The following PLCB1 variants were observed in gnomAD, a reference collection of about 807,000 sequenced individuals.
PLCB1 encodes the protein phospholipase C beta 1.
PLCB1 carries 46 observed loss-of-function variants against 161.8 expected under a neutral mutation model. The ratio of observed to expected loss-of-function variants is 0.28; its 90% confidence interval spans 0.22 to 0.36. The LOEUF is 0.36. PLCB1 is among the 10% of genes least tolerant of loss of function. The probability of loss-of-function intolerance (pLI) is 1.00; values close to 1 mark genes in which losing one functional copy is unlikely to be tolerated. For missense variants in PLCB1, 1,016 were observed against 1,472.5 expected (o/e 0.69, Z 5.07); for synonymous variants, 517 against 503.7 (o/e 1.03, Z -0.35).
chr20:8,562,218 G>A (rs779516458), intron 3 of PLCB1, among the ~76,000 whole-genome samples: 1 of 151,994 alleles, frequency 6.6e-6, no homozygotes, highest in Non-Finnish European at 1.5e-5. Context: ...AACCTTGGCT[G>A]TACATTGAAA....
chr20:8,678,481 T>A (rs1990141064), intron 9 of PLCB1, among the ~76,000 whole-genome samples: 1 of 152,228 alleles, frequency 6.6e-6, no homozygotes, highest in South Asian at 2.1e-4. Context: ...TAAGGAGACA[T>A]GAGGAAGCGT....
At chr20:8,417,058 T>C (rs1169310011) in intron 3 of PLCB1, among the ~76,000 whole-genome samples, 99 of 94,856 alleles carry the variant, frequency 1.0e-3, no homozygotes, top group South Asian at 2.5e-3. Flanking sequence ...CACACACATA[T>C]ATATATATAT....
rs542772912 is a variant in PLCB1 at position 8,847,032 on chromosome 20, C to T, written c.3424-34590C>T. 7.2e-5 allele frequency among the ~76,000 whole-genome samples: 11 copies of T among 152,314 alleles called. No homozygotes were observed. In the East Asian group the frequency reaches 2.1e-3, roughly 29 times the overall value. On this transcript the variant is annotated intron_variant, in intron 31 of 31. Transcript: ENST00000338037. The stretch of plus-strand genomic sequence containing the variant: ...CTTTGAGAAATACTGATGTTTTGGT[C>T]TCAGCCCCAAAGATCTTGATATGGT...
intron 24 of PLCB1, among the ~76,000 whole-genome samples, chr20:8,757,918 G>A (rs1022161659): frequency 1.3e-4 from 19 of 151,640 alleles, no homozygotes; most frequent in African/African-American, 4.1e-4. Context: ...TGATTTCTAC[G>A]CAGCTAACTT....
chr20:8,531,757 A>T (rs1568495861), intron 3 of PLCB1, among the ~76,000 whole-genome samples: 3 of 151,094 alleles, frequency 2.0e-5, no homozygotes, highest in East Asian at 3.9e-4. Flanking sequence ...TCCAGATTAA[A>T]ATATATATAT....
chr20:8,801,576 T>C (rs578212797), intron 31 of PLCB1, among the ~76,000 whole-genome samples: 50 of 152,288 alleles, frequency 3.3e-4, no homozygotes, highest in Middle Eastern at 6.8e-3. Flanking sequence ...CAATAAATAT[T>C]TTTTGAATGC....
intron 2 of PLCB1, among the ~76,000 whole-genome samples, chr20:8,174,881 C>T (rs2051766812): frequency 6.6e-6 from 1 of 151,838 alleles, no homozygotes; most frequent in Admixed American, 6.6e-5. Context: ...AATTCCATCC[C>T]TACAAAAAGT....
At chr20:8,747,485 T>C (rs1266431987) in intron 23 of PLCB1, among the ~76,000 whole-genome samples, 1 of 152,202 alleles carries the variant, frequency 6.6e-6, no homozygotes, top group East Asian at 1.9e-4. Context: ...GTGGTCTTCG[T>C]GTAATATTGA....
intron 2 of PLCB1, among the ~76,000 whole-genome samples, chr20:8,244,953 TA>T (rs1980804891): frequency 6.6e-6 from 1 of 150,534 alleles, no homozygotes; most frequent in African/African-American, 2.5e-5. Context: ...AATAGTAAAA[TA>T]GTGTGGCTTA....
intron 3 of PLCB1, among the ~76,000 whole-genome samples, chr20:8,404,044 G>C (rs749856112): frequency 4.1e-5 from 6 of 145,808 alleles, no homozygotes; most frequent in Non-Finnish European, 9.0e-5. Context: ...TTTATGTATA[G>C]ACAGAAATTG....
chr20:8,612,698 G>C (rs140411609), intron 3 of PLCB1, among the ~76,000 whole-genome samples: 4 of 152,236 alleles, frequency 2.6e-5, no homozygotes, highest in Non-Finnish European at 5.9e-5. Context: ...GTGCTCTTGA[G>C]AGCTTAAAGC....
intron 2 of PLCB1, among the ~76,000 whole-genome samples, chr20:8,167,117 C>T (rs1316246485): frequency 6.6e-6 from 1 of 152,100 alleles, no homozygotes; most frequent in Non-Finnish European, 1.5e-5. Flanking sequence ...GATACTTCAT[C>T]ACTGAACACA....
At chr20:8,783,334 C>G (rs1983330148) in intron 27 of PLCB1, among the ~76,000 whole-genome samples, 1 of 152,130 alleles carries the variant, frequency 6.6e-6, no homozygotes, top group South Asian at 2.1e-4. Context: ...AATAAATGAT[C>G]GAATGGCTCT....
rs541957155 is a variant in PLCB1 at position 8,190,711 on chromosome 20, C to T, written c.177+40340C>T. Among the ~76,000 whole-genome samples the T allele has an allele frequency of 2.0e-4, 31 of 152,158 alleles. 1 individual carries two copies. In the South Asian group the frequency reaches 3.9e-3, roughly 19 times the overall value. On this transcript the variant is annotated intron_variant, in intron 2 of 31. Coordinates refer to ENST00000338037, the MANE Select transcript of PLCB1 (RefSeq NM_015192.4). The stretch of plus-strand genomic sequence containing the variant: ...CTAGTGTAAGTTGGCTATTTAAGGG[C>T]GAGCATTAACTCTCGTGGGTCACCA...
chr20:8,875,496 AC>A, intron 31 of PLCB1, among the ~76,000 whole-genome samples: 1 of 127,334 alleles, frequency 7.9e-6, no homozygotes, highest in African/African-American at 2.9e-5. Context: ...TATTTATATA[AC>A]ATATAAAATA....
intron 2 of PLCB1, among the ~76,000 whole-genome samples, chr20:8,166,525 T>G (rs894952498): frequency 6.6e-6 from 1 of 152,136 alleles, no homozygotes; most frequent in Non-Finnish European, 1.5e-5. Context: ...TAAAACTTAT[T>G]TTACCATCTG....
intron 10 of PLCB1, among the ~76,000 whole-genome samples, chr20:8,686,969 T>C (rs998049536): frequency 2.0e-5 from 3 of 152,136 alleles, no homozygotes; most frequent in Non-Finnish European, 2.9e-5. Context: ...TTTTTTGTCT[T>C]TTTAAGGCAC....
intron 3 of PLCB1, among the ~76,000 whole-genome samples, chr20:8,481,293 G>A (rs1324753146): frequency 1.3e-5 from 2 of 151,994 alleles, no homozygotes; most frequent in East Asian, 1.9e-4. Flanking sequence ...AACTGCTAAC[G>A]AGCAAAACTA....
At chr20:8,316,405 A>C (rs1296148277) in intron 2 of PLCB1, among the ~76,000 whole-genome samples, 1 of 152,042 alleles carries the variant, frequency 6.6e-6, no homozygotes, top group Non-Finnish European at 1.5e-5. Context: ...GCCTGGAGAG[A>C]GCGATCTTGC....
Sources: allele counts gnomAD v4.1 joint callset (sites outside exome capture counted in the v4.1 genomes callset), GRCh38; gene constraint gnomAD v4.1.1; transcripts MANE v1.5; gene names NCBI Gene and HGNC (gene_info 2026-07-23, HGNC 2026-07-21).